The following NKAIN2 variants were observed in gnomAD, a reference collection of about 807,000 sequenced individuals.
The protein encoded by NKAIN2 is sodium/potassium-transporting ATPase subunit beta-1-interacting protein 2.
NKAIN2 carries 14 observed loss-of-function variants against 32.6 expected under a neutral mutation model. The observed-to-expected ratio is 0.43, with a 90% CI of 0.28 to 0.67. The LOEUF (loss-of-function observed/expected upper bound fraction) is 0.67, where lower values mean the gene tolerates loss of function less well. Ranked by LOEUF, NKAIN2 falls within the 30% of genes least tolerant of loss-of-function variation. The pLI is 0.17. For synonymous variants in NKAIN2, 80 were observed against 87.2 expected (o/e 0.92, Z 0.46); for missense variants, 198 against 258.3 (o/e 0.77, Z 1.60).
At chr6:124,787,518 T>G (rs1289023836) in intron 4 of NKAIN2, among the ~76,000 whole-genome samples, 1 of 152,016 alleles carries the variant, frequency 6.6e-6, no homozygotes. Context: ...GGCATTAGCA[T>G]TCTTTGTTGG....
At chr6:123,866,895 A>G (rs1772554328) in intron 1 of NKAIN2, among the ~76,000 whole-genome samples, 1 of 152,080 alleles carries the variant, frequency 6.6e-6, no homozygotes, top group South Asian at 2.1e-4. Context: ...TAAACTTGGT[A>G]TTTTTAGGGT....
At chr6:124,574,437 G>A (rs777641005) in intron 3 of NKAIN2, among the ~76,000 whole-genome samples, 14 of 152,066 alleles carry the variant, frequency 9.2e-5, no homozygotes, top group Admixed American at 1.3e-4. Context: ...GGCCAACGTG[G>A]CGAAACCCTG....
At chr6:124,084,670 C>T (rs987446012) in intron 1 of NKAIN2, among the ~76,000 whole-genome samples, 5 of 151,942 alleles carry the variant, frequency 3.3e-5, no homozygotes, top group South Asian at 2.1e-4. Flanking sequence ...AGGGAAAACA[C>T]GCTCCATCTA....
At chr6:124,775,364 AG>A (rs1412479443) in intron 4 of NKAIN2, among the ~76,000 whole-genome samples, 1 of 152,168 alleles carries the variant, frequency 6.6e-6, no homozygotes, top group Non-Finnish European at 1.5e-5. Context: ...ATCTCCTCAA[AG>A]GAACTTCTGT....
chr6:124,292,814 TTTTAA>T (rs1454022144), intron 2 of NKAIN2, among the ~76,000 whole-genome samples: 2 of 152,116 alleles, frequency 1.3e-5, no homozygotes, highest in Admixed American at 6.6e-5. Flanking sequence ...TGGCAGTGTG[TTTTAA>T]TTTATTTTTT....
intron 3 of NKAIN2, among the ~76,000 whole-genome samples, chr6:124,542,916 A>G (rs1378422496): frequency 6.6e-6 from 1 of 152,148 alleles, no homozygotes; most frequent in East Asian, 1.9e-4. Flanking sequence ...ATAAGGAAAA[A>G]TTTGTGTTCA....
At chr6:124,362,477 C>T (rs902801113) in intron 3 of NKAIN2, among the ~76,000 whole-genome samples, 2 of 152,012 alleles carry the variant, frequency 1.3e-5, no homozygotes, top group Admixed American at 6.6e-5. Context: ...GTTTTATTTT[C>T]TGTTTCCTTT....
intron 4 of NKAIN2, among the ~76,000 whole-genome samples, chr6:124,677,458 T>C (rs953932725): frequency 6.6e-6 from 1 of 152,202 alleles, no homozygotes; most frequent in Admixed American, 6.5e-5. Flanking sequence ...TTCATTGACT[T>C]TTTTTAGTGG....
chr6:124,380,376 C>A (rs140289912), intron 3 of NKAIN2, among the ~76,000 whole-genome samples: 1 of 152,324 alleles, frequency 6.6e-6, no homozygotes, highest in African/African-American at 2.4e-5. Flanking sequence ...TCATGTCTCA[C>A]TTCTTCACAT....
intron 6 of NKAIN2, among the ~76,000 whole-genome samples, chr6:124,822,509 G>A (rs1426011713): frequency 6.6e-6 from 1 of 152,136 alleles, no homozygotes; most frequent in Non-Finnish European, 1.5e-5. Flanking sequence ...CAAGATCCTG[G>A]ACAAAGCTTT....
intron 1 of NKAIN2, among the ~76,000 whole-genome samples, chr6:124,252,175 T>A (rs1793718192): frequency 6.6e-6 from 1 of 152,076 alleles, no homozygotes; most frequent in Admixed American, 6.6e-5. Context: ...AATGAGAATC[T>A]ACCCAGAAAT....
chr6:124,023,068 GTA>G (rs767753199), intron 1 of NKAIN2, among the ~76,000 whole-genome samples: 291 of 148,856 alleles, frequency 2.0e-3, no homozygotes, highest in African/African-American at 6.3e-3. Context: ...GTATGTATAA[GTA>G]TATATATATA....
At chr6:124,409,562 T>A (rs1583205392) in intron 3 of NKAIN2, among the ~76,000 whole-genome samples, 1 of 152,324 alleles carries the variant, frequency 6.6e-6, no homozygotes, top group Non-Finnish European at 1.5e-5. Context: ...TCATGGTGGA[T>A]AAGCTTTTTG....
intron 1 of NKAIN2, among the ~76,000 whole-genome samples, chr6:124,239,135 C>T (rs574110699): frequency 6.6e-6 from 1 of 151,930 alleles, no homozygotes; most frequent in Admixed American, 6.6e-5. Context: ...AGACTTTAAA[C>T]CAACAAAGAT....
chr6:123,898,719 A>G (rs757884622), intron 1 of NKAIN2, among the ~76,000 whole-genome samples: 31 of 152,160 alleles, frequency 2.0e-4, no homozygotes, highest in Non-Finnish European at 4.1e-4. Flanking sequence ...CATCACTGTC[A>G]TCATTCATCT....
chr6:124,652,423 T>C (rs1784398816), intron 3 of NKAIN2, among the ~76,000 whole-genome samples: 2 of 152,218 alleles, frequency 1.3e-5, no homozygotes, highest in Non-Finnish European at 2.9e-5. Context: ...ACAAGCTTTT[T>C]CTAGCATTCA....
intron 2 of NKAIN2, among the ~76,000 whole-genome samples, chr6:124,341,853 A>G (rs9320987): frequency 0.84 from 128,388 of 152,168 alleles, 54,295 homozygotes; most frequent in African/African-American, 0.89. Context: ...TTAGAACACA[A>G]GATTTACATC....
chr6:124,812,261 T>A (rs1562398779), intron 5 of NKAIN2, among the ~76,000 whole-genome samples: 1 of 152,166 alleles, frequency 6.6e-6, no homozygotes, highest in Non-Finnish European at 1.5e-5. Context: ...TTCTCTTTAT[T>A]ATCATTCAAG....
chr6:124,485,613 C>T lies in NKAIN2; in HGVS notation c.273+130266C>T, dbSNP rs1380214646. ...TTTCTTCTAAGTTTTACAGCCCCTA[C>T]TGACTACATTAGAATAGTGATAGCT... On this transcript the variant is annotated intron_variant, in intron 3 of 6. Transcript: ENST00000368417. Among the ~76,000 whole-genome samples, 7 of 152,248 alleles carry T rather than the reference C, an allele frequency of 4.6e-5. No individual in the cohort carries two copies. In the East Asian group the frequency reaches 9.6e-4, roughly 21 times the overall value.
Sources: allele counts gnomAD v4.1 joint callset (sites outside exome capture counted in the v4.1 genomes callset), GRCh38; gene constraint gnomAD v4.1.1; transcripts MANE v1.5; gene names NCBI Gene and HGNC (gene_info 2026-07-23, HGNC 2026-07-21).